Variants in RRAGB observed in about 807,000 individuals in gnomAD.
RRAGB encodes Ras related GTP binding B.
Under a neutral mutation model 29.3 loss-of-function variants are expected in RRAGB, and 6 were observed. That is an observed-to-expected ratio of 0.21 (90% CI 0.11 to 0.40). The LOEUF is 0.40. Ranked by LOEUF, RRAGB falls within the 10% of genes least tolerant of loss-of-function variation. The pLI is 1.00. For missense variants in RRAGB, 184 were observed against 272.9 expected (o/e 0.67, Z 2.29); for synonymous variants, 101 against 92.5 (o/e 1.09, Z -0.53).
At chrX:55,729,959 A>G (rs1357067340) in intron 4 of RRAGB, among the ~76,000 whole-genome samples, 2 of 112,060 alleles carry the variant, frequency 1.8e-5, no homozygotes, top group African/African-American at 6.5e-5. Context: ...TTGGAGTCAG[A>G]TTGGGGTTTG....
At chrX:55,733,827 G>C (rs1409259176) in intron 5 of RRAGB, among the ~76,000 whole-genome samples, 1 of 111,524 alleles carries the variant, frequency 9.0e-6, no homozygotes, top group African/African-American at 3.3e-5. Flanking sequence ...AATGAGTTAA[G>C]GAGGATTCCC....
intron 5 of RRAGB, among the ~76,000 whole-genome samples, chrX:55,739,152 C>G (rs2033965095): frequency 8.9e-6 from 1 of 112,980 alleles, no homozygotes; most frequent in South Asian, 3.6e-4. Flanking sequence ...GTTAAGAATG[C>G]AAAACCGCCC....
At chrX:55,741,919 T>C (rs1413944945) in intron 5 of RRAGB, among the ~76,000 whole-genome samples, 1 of 111,885 alleles carries the variant, frequency 8.9e-6, no homozygotes, top group Non-Finnish European at 1.9e-5. Context: ...TTGGCACTCA[T>C]ACACATCTAC....
rs1183864819 is a variant in RRAGB at position 55,758,162 on chromosome X, CT to C, written c.944-80del. 2.4e-5 allele frequency: 14 copies of C among 586,480 alleles called. No homozygotes were observed. The African/African-American group carries it at 2.7e-4, about 11-fold the overall frequency. 48.3% of individuals were successfully genotyped at this position (586,480 alleles called of 1,213,427 possible). On this transcript the variant is annotated intron_variant, in intron 9 of 9. Coordinates refer to ENST00000374941, the MANE Select transcript of RRAGB (RefSeq NM_006064.5). ...GACATACATTGAGGGATTTGGCTCT[CT>C]TTTGTTTATTTGTTTTACTAGTCAG...
intron 4 of RRAGB, among the ~76,000 whole-genome samples, 159 bp from the exon 5 acceptor site, chrX:55,731,205 A>G (rs749529151): frequency 1.8e-5 from 2 of 111,632 alleles, no homozygotes; most frequent in South Asian, 7.6e-4. Flanking sequence ...TTGTGGCTCA[A>G]GAGGTGAGAA....
chrX:55,737,897 A>G (rs2033918753), intron 5 of RRAGB, among the ~76,000 whole-genome samples: 1 of 112,697 alleles, frequency 8.9e-6, no homozygotes, highest in South Asian at 3.6e-4. Flanking sequence ...GCTCAGGTCC[A>G]GGGGGAACTT....
chrX:55,744,405 G>A lies in RRAGB; in HGVS notation c.517-6696G>A, dbSNP rs867991916. On this transcript the variant is annotated intron_variant, in intron 5 of 9. Coordinates refer to ENST00000374941, the MANE Select transcript of RRAGB (RefSeq NM_006064.5). Reference sequence around the variant, plus strand: ...AGTGAGCCAAAAAAAAAAAAAAAAAGTAGTATAGCAGGAATGGGGACTGTG... The same window carrying A: ...AGTGAGCCAAAAAAAAAAAAAAAAAATAGTATAGCAGGAATGGGGACTGTG... Among the ~76,000 whole-genome samples the A allele has an allele frequency of 3.2e-3, 56 of 17,761 alleles. 2 individuals are homozygous for A. The highest frequency in any genetic ancestry group is 0.013 in the Non-Finnish European group (41 of 3,272). The allele number at this position is 17,761 out of a possible 115,157, so 15.4% of individuals were successfully genotyped here.
At chrX:55,747,629 A>G (rs2034288315) in intron 5 of RRAGB, among the ~76,000 whole-genome samples, 1 of 111,663 alleles carries the variant, frequency 9.0e-6, no homozygotes, top group Admixed American at 9.5e-5. Context: ...CTTGCCTCTT[A>G]AAAGTATTTT....
At chrX:55,730,696 A>T (rs2033647371) in intron 4 of RRAGB, among the ~76,000 whole-genome samples, 2 of 111,908 alleles carry the variant, frequency 1.8e-5, no homozygotes, top group South Asian at 3.7e-4. Flanking sequence ...GCAAATTTTC[A>T]TTGAGTACTT....
rs763536118 is a variant in RRAGB at position 55,723,580 on chromosome X, C to T, written c.226+1295C>T. ...AATCTTTTTTTTTTCTTTTTGGAGA[C>T]GGAGTCTTGCTCTGTCATCCAGGCT... On this transcript the variant is annotated intron_variant, in intron 3 of 9. Transcript: ENST00000374941. Among the ~76,000 whole-genome samples the T allele has an allele frequency of 5.6e-5, 6 of 107,543 alleles. No homozygotes were observed. The East Asian group carries it at 8.8e-4, about 16-fold the overall frequency. 93.4% of individuals were successfully genotyped at this position (107,543 alleles called of 115,157 possible).
chrX:55,735,343 G>T (rs2033831184), intron 5 of RRAGB, among the ~76,000 whole-genome samples: 1 of 111,988 alleles, frequency 8.9e-6, no homozygotes, highest in African/African-American at 3.2e-5. Context: ...ATATCTTCTT[G>T]TTGAATTGAT....
At chrX:55,751,433 G>A in intron 6 of RRAGB, 1 of 300,868 alleles carries the variant, frequency 3.3e-6, no homozygotes, top group Non-Finnish European at 5.8e-6. Context: ...TAGCCAGTTT[G>A]GTCATGATTA....
At chrX:55,724,437 A>G (rs190494319) in intron 3 of RRAGB, among the ~76,000 whole-genome samples, 4 of 111,864 alleles carry the variant, frequency 3.6e-5, no homozygotes, top group Admixed American at 9.4e-5. Context: ...TATCTGATAC[A>G]TTAGCTATCT....
At chrX:55,757,048 A>G in intron 8 of RRAGB, among the ~76,000 whole-genome samples, 168 bp from the exon 9 acceptor site, 1 of 112,575 alleles carries the variant, frequency 8.9e-6, no homozygotes, top group African/African-American at 3.2e-5. Context: ...TAAATTCAGT[A>G]TAAGAGTTTC....
chrX:55,750,098 T>C lies in RRAGB; in HGVS notation c.517-1003T>C, dbSNP rs780921288. 5.6e-5 allele frequency among the ~76,000 whole-genome samples: 5 copies of C among 88,867 alleles called. No homozygotes were observed. In the South Asian group the frequency reaches 3.8e-3, roughly 67 times the overall value. The allele number at this position is 88,867 out of a possible 115,157, so 77.2% of individuals were successfully genotyped here. On this transcript the variant is annotated intron_variant, in intron 5 of 9. Transcript: ENST00000374941. ...AAAAAAGGTTATTCTCTAGAATCAC[T>C]CTCAGTACTGAAGTCTGTGTTAGGG...
chrX:55,747,835 C>CTCTCCCTCTCCT (rs1555967763), intron 5 of RRAGB, among the ~76,000 whole-genome samples: 6 of 98,030 alleles, frequency 6.1e-5, no homozygotes, highest in Non-Finnish European at 1.1e-4. Flanking sequence ...CTCCCTCTCC[C>CTCTCCCTCTCCT]TCTCCCTCTC....
Position 55,718,191 on chromosome X carries a change from A to G in RRAGB, c.-137A>G. The G allele has an allele frequency of 2.5e-6, 1 of 398,238 alleles. No individual in the cohort carries two copies. Among genetic ancestry groups the G allele is most frequent in the Non-Finnish European group, 4.2e-6 (1 of 240,132 alleles). The allele number at this position is 398,238 out of a possible 1,213,427, so 32.8% of individuals were successfully genotyped here. A position where few individuals can be genotyped will look rare whatever the true frequency, so the allele number is the denominator to read the frequency against. On this transcript the variant is annotated 5_prime_UTR_variant, in exon 1 of 10. Transcript: ENST00000374941. ...CCCCCCAGTGGACAAAGGCGGAGGC[A>G]AGAATAGAGCAGGCCTGAGGGCCAT... is the stretch of plus-strand genomic sequence containing the variant.
At chrX:55,731,730 A>G (rs968983092) in intron 5 of RRAGB, 144 bp downstream of exon 5, 46 of 425,295 alleles carry the variant, frequency 1.1e-4, no homozygotes, top group African/African-American at 1.1e-3. Context: ...ATTTACTTTA[A>G]CTAAACACTC....
At chrX:55,720,916 G>A (rs1369316821) in intron 2 of RRAGB, among the ~76,000 whole-genome samples, 2 of 111,245 alleles carry the variant, frequency 1.8e-5, no homozygotes, top group Non-Finnish European at 3.8e-5. Flanking sequence ...GAAAAGGAAA[G>A]CAAGGTAATT....
Sources: allele counts gnomAD v4.1 joint callset (sites outside exome capture counted in the v4.1 genomes callset), GRCh38; gene constraint gnomAD v4.1.1; transcripts MANE v1.5; gene names NCBI Gene and HGNC (gene_info 2026-07-23, HGNC 2026-07-21).